Variants in TNS1 observed in about 807,000 individuals in gnomAD.
TNS1 encodes tensin-1.
A neutral mutation model predicts 168.6 loss-of-function variants in TNS1; 62 were observed. The observed-to-expected ratio is 0.37, with a 90% CI of 0.30 to 0.45. The LOEUF is 0.45. Ranked by LOEUF, TNS1 falls within the 20% of genes least tolerant of loss-of-function variation. The probability of loss-of-function intolerance (pLI) is 1.00; values close to 1 mark genes in which losing one functional copy is unlikely to be tolerated. For missense variants in TNS1, 2,240 were observed against 2,339.4 expected (o/e 0.96, Z 0.88); for synonymous variants, 934 against 933.2 (o/e 1.00, Z -0.02).
intron 3 of TNS1, among the ~76,000 whole-genome samples, chr2:217,966,028 T>C (rs1267064687): frequency 6.6e-6 from 1 of 152,100 alleles, no homozygotes; most frequent in Non-Finnish European, 1.5e-5. Flanking sequence ...TCTCTCTCCA[T>C]TCTCCATCTC....
chr2:217,814,900 C>A lies in TNS1; in HGVS notation c.4729+12G>T. ...CTATGGCCTCTGATGCACCACAGAG[C>A]CCAGCACTCACCCTGCTCCCTGGAG... On this transcript the variant is annotated intron_variant, in intron 25 of 32. Transcript: ENST00000682258. The A allele has an allele frequency of 6.2e-7, 1 of 1,608,036 alleles. No homozygotes were observed. The highest frequency in any genetic ancestry group is 1.3e-5 in the African/African-American group (1 of 74,966).
chr2:217,916,455 G>T (rs1388686140), intron 4 of TNS1, among the ~76,000 whole-genome samples: 1 of 152,186 alleles, frequency 6.6e-6, no homozygotes, highest in Non-Finnish European at 1.5e-5. Flanking sequence ...CGCCGACCTT[G>T]GTGGCCAACC....
chr2:217,923,181 G>A (rs909941518), intron 3 of TNS1, among the ~76,000 whole-genome samples: 16 of 152,136 alleles, frequency 1.1e-4, no homozygotes, highest in Admixed American at 3.3e-4. Flanking sequence ...TGCCAGCGCT[G>A]TCATAGGCTC....
chr2:217,814,512 G>A (rs147510490), intron 25 of TNS1, among the ~76,000 whole-genome samples: 25 of 152,286 alleles, frequency 1.6e-4, no homozygotes, highest in African/African-American at 5.5e-4. Context: ...CCCATGGGCT[G>A]CCGTTGCTGA....
chr2:218,007,173 C>A (rs116414177), upstream of TNS1, among the ~76,000 whole-genome samples: 1 of 151,588 alleles, frequency 6.6e-6, no homozygotes, highest in South Asian at 2.1e-4. Flanking sequence ...CCCAACAGCA[C>A]GAGACCCAGG....
chr2:217,898,989 A>G (rs1952633568), intron 7 of TNS1, among the ~76,000 whole-genome samples: 1 of 152,206 alleles, frequency 6.6e-6, no homozygotes, highest in Non-Finnish European at 1.5e-5. Flanking sequence ...CAGCACTGAC[A>G]TTTCATTCTG....
At chr2:217,891,439 A>G (rs1009644282) in intron 11 of TNS1, among the ~76,000 whole-genome samples, 2 of 152,200 alleles carry the variant, frequency 1.3e-5, no homozygotes, top group Non-Finnish European at 2.9e-5. Flanking sequence ...GGGAATATCC[A>G]TAAAGAGCTT....
At chr2:217,961,256 C>CAGAGAGAGAG (rs539858587) in intron 3 of TNS1, among the ~76,000 whole-genome samples, 16 of 141,104 alleles carry the variant, frequency 1.1e-4, no homozygotes, top group African/African-American at 4.1e-4. Context: ...CACACACACA[C>CAGAGAGAGAG]ACACAGAGAG....
chr2:217,849,860 T>C (rs1397395201), intron 18 of TNS1: 1 of 985,292 alleles, frequency 1.0e-6, no homozygotes, highest in African/African-American at 1.7e-5. Flanking sequence ...GGCCCCACCA[T>C]GCCCAAGGTG....
At chr2:217,841,992 G>A (rs779726737) in intron 19 of TNS1, 3 of 688,980 alleles carry the variant, frequency 4.4e-6, no homozygotes, top group Non-Finnish European at 7.9e-6. Flanking sequence ...CACACCACAG[G>A]GGCCACAGGA....
At chr2:217,829,339 C>T (rs919599710) in intron 22 of TNS1, among the ~76,000 whole-genome samples, 2 of 151,998 alleles carry the variant, frequency 1.3e-5, no homozygotes, top group Non-Finnish European at 2.9e-5. Flanking sequence ...GAGCCGAGAT[C>T]GTGCCACTGC....
chr2:217,928,328 C>G (rs913966229), intron 3 of TNS1, among the ~76,000 whole-genome samples: 3 of 152,234 alleles, frequency 2.0e-5, no homozygotes, highest in Non-Finnish European at 4.4e-5. Context: ...TGGCCACTGC[C>G]CCGGCCCATT....
intron 3 of TNS1, chr2:217,937,007 C>T (rs1360071876): frequency 2.2e-6 from 1 of 456,868 alleles, no homozygotes; most frequent in Admixed American, 2.3e-5. Flanking sequence ...ACATGCCTTC[C>T]CCTGTGCCTG....
At chr2:218,001,824 G>A (rs951405992) in intron 1 of TNS1, among the ~76,000 whole-genome samples, 1 of 151,400 alleles carries the variant, frequency 6.6e-6, no homozygotes, top group Non-Finnish European at 1.5e-5. Context: ...CCTGGGCCAA[G>A]AGGGCCCTCC....
chr2:218,013,083 A>G (rs1366384936), upstream of TNS1, among the ~76,000 whole-genome samples: 2 of 151,578 alleles, frequency 1.3e-5, no homozygotes, highest in East Asian at 3.9e-4. Context: ...CCCCATCACT[A>G]GTAAAAATAC....
At chr2:217,900,777 G>A in intron 6 of TNS1, 1 of 532,178 alleles carries the variant, frequency 1.9e-6, no homozygotes, top group East Asian at 3.4e-5. Flanking sequence ...CACCCCACTG[G>A]GCTGGTGCCA....
intron 16 of TNS1, among the ~76,000 whole-genome samples, chr2:217,882,970 A>AT (rs896169129): frequency 6.6e-6 from 1 of 151,938 alleles, no homozygotes; most frequent in Non-Finnish European, 1.5e-5. Flanking sequence ...TCATTTTTGT[A>AT]TTTTTTATAG....
chr2:217,924,121 G>T (rs1404033251), intron 3 of TNS1, among the ~76,000 whole-genome samples: 1 of 152,158 alleles, frequency 6.6e-6, no homozygotes, highest in African/African-American at 2.4e-5. Context: ...CACAGAGGTG[G>T]GTTCCCCTCA....
chr2:217,880,837 G>A lies in TNS1; in HGVS notation c.1429+61C>T. 7.7e-7 allele frequency: 1 copy of A among 1,301,614 alleles called. No individual in the cohort carries two copies. The highest frequency in any genetic ancestry group is 1.2e-5 in the South Asian group (1 of 83,568). The allele number at this position is 1,301,614 out of a possible 1,614,324, so 80.6% of individuals were successfully genotyped here. On this transcript the variant is annotated intron_variant, in intron 18 of 32. Coordinates refer to ENST00000682258, the MANE Select transcript of TNS1 (RefSeq NM_001387777.1). This position sits in a 1 kb window ranked among gnomAD's most constrained non-coding sequence, Gnocchi z 4.2. ...TTGAAAGCAGGCCAAGAGAAGCAAG[G>A]TCATGTGAGCAGAGGCTGTGCAGTT...
Sources: allele counts gnomAD v4.1 joint callset (sites outside exome capture counted in the v4.1 genomes callset), GRCh38; gene constraint gnomAD v4.1.1; non-coding constraint Gnocchi (gnomAD v3.1); transcripts MANE v1.5; gene names NCBI Gene and HGNC (gene_info 2026-07-23, HGNC 2026-07-21).